The following CEP295 variants were observed in gnomAD, a reference collection of about 807,000 sequenced individuals.
The protein encoded by CEP295 is centrosomal protein of 295 kDa.
Under a neutral mutation model 291.6 loss-of-function variants are expected in CEP295, and 190 were observed. The ratio of observed to expected loss-of-function variants is 0.65; its 90% CI spans 0.58 to 0.73. CEP295 has a LOEUF of 0.73. Among genes scored for constraint, CEP295 ranks in the 30% least tolerant of loss-of-function variants. The pLI, the probability that CEP295 is intolerant of heterozygous loss-of-function variation, is 0.00. For synonymous variants in CEP295, 993 were observed against 1,038.8 expected, an observed-to-expected ratio of 0.96 and a Z score of 0.85; for missense variants, 2,863 against 2,949.4, an observed-to-expected ratio of 0.97 and a Z score of 0.68.
Position 93,698,940 on chromosome 11 carries a change from T to C in CEP295, c.4028T>C (p.Leu1343Pro), listed in dbSNP as rs143814907. The change falls in exon 15 of 30, where the codon CTT (leucine) becomes CCT (proline). Residue 1343 changes from leucine to proline, a missense_variant. Coordinates refer to ENST00000325212, the MANE Select transcript of CEP295 (RefSeq NM_033395.2). ...GATAGGCTTTTGAGGATATCGCAAC[T>C]TATCCAGCCTCAACAAGATAATTTG... is the stretch of plus-strand genomic sequence containing the variant. Reference protein sequence around the residue: ...LQDRLLRISQLIQPQQDNLKA... With the variant: ...LQDRLLRISQPIQPQQDNLKA... 3 of 1,551,488 alleles carry C rather than the reference T, an allele frequency of 1.9e-6. No homozygotes were observed. The highest frequency in any genetic ancestry group is 1.4e-5 in the African/African-American group (1 of 73,144).
chr11:93,709,343 A>G (rs1952738968), intron 18 of CEP295, among the ~76,000 whole-genome samples: 1 of 152,166 alleles, frequency 6.6e-6, no homozygotes, highest in African/African-American at 2.4e-5. Context: ...GATAGGGTCT[A>G]GTTTTATTCT....
chr11:93,675,955 A>C (rs1379887668), intron 6 of CEP295, among the ~76,000 whole-genome samples: 1 of 152,050 alleles, frequency 6.6e-6, no homozygotes, highest in Non-Finnish European at 1.5e-5. Flanking sequence ...TTGGAACTGT[A>C]CATATAAGTG....
intron 22 of CEP295, among the ~76,000 whole-genome samples, chr11:93,724,854 C>T (rs1475085401): frequency 6.6e-6 from 1 of 152,106 alleles, no homozygotes; most frequent in East Asian, 1.9e-4. Context: ...CCAGACTACA[C>T]CCTAGACCAA....
intron 6 of CEP295, among the ~76,000 whole-genome samples, chr11:93,677,507 A>G (rs1241880076): frequency 2.0e-5 from 3 of 152,116 alleles, no homozygotes; most frequent in East Asian, 1.9e-4. Context: ...AATTCTCTAC[A>G]TTTTGTTTTG....
intron 20 of CEP295, 107 bp downstream of exon 20, chr11:93,722,157 C>G (rs769720106): frequency 1.4e-6 from 1 of 692,242 alleles, no homozygotes. Context: ...CCATGGGGAA[C>G]TATTTCTCTA....
chr11:93,675,652 A>T lies in CEP295; in HGVS notation c.610A>T (p.Thr204Ser). 6.8e-7 allele frequency: 1 copy of T among 1,480,612 alleles called. No individual in the cohort carries two copies. Among genetic ancestry groups the T allele is most frequent in the Non-Finnish European group, 9.1e-7 (1 of 1,104,202 alleles). 91.7% of individuals were successfully genotyped at this position (1,480,612 alleles called of 1,614,324 possible). A position where few individuals can be genotyped will look rare whatever the true frequency, so the allele number is the denominator to read the frequency against. The change falls in exon 6 of 30, where the codon ACA becomes TCA. Residue 204 changes from threonine to serine, a missense_variant. This residue lies in a region of CEP295 where 554 missense variants were observed against 576.0 expected (regional missense o/e 0.96). Transcript: ENST00000325212. ...HHLHTFVNRE[T>S]DTKRPDARLA... ...TCTTCACACTTTTGTGAATAGAGAG[A>T]CAGACACAAAACGGGTGATTGACTT...
At chr11:93,690,172 G>C (rs1281272685) in intron 10 of CEP295, among the ~76,000 whole-genome samples, 1 of 152,232 alleles carries the variant, frequency 6.6e-6, no homozygotes, top group African/African-American at 2.4e-5. Flanking sequence ...AGCACTTTGG[G>C]AGGCCCAGGC....
chr11:93,723,211 G>GC lies in CEP295; in HGVS notation c.6118_6119insC (p.Gly2040AlafsTer14). ...GCCTGCAGTGGATGAAACTACATGTGGTCACACACACTTTCAGCAAATGAT... is the reference window on the plus strand; with the variant it reads ...GCCTGCAGTGGATGAAACTACATGTGCGTCACACACACTTTCAGCAAATGAT... On this transcript the variant is annotated frameshift_variant, in exon 21 of 30. Coordinates refer to ENST00000325212, the MANE Select transcript of CEP295 (RefSeq NM_033395.2). LOFTEE classifies it high-confidence loss of function. 6.4e-7 allele frequency: 1 copy of GC among 1,551,320 alleles called. No homozygotes were observed. Among genetic ancestry groups the GC allele is most frequent in the Non-Finnish European group, 8.7e-7 (1 of 1,146,650 alleles).
At chr11:93,665,577 G>T (rs961160476) in intron 1 of CEP295, among the ~76,000 whole-genome samples, 1 of 152,076 alleles carries the variant, frequency 6.6e-6, no homozygotes, top group Non-Finnish European at 1.5e-5. Context: ...GTGTGATGGC[G>T]CATGCCTGTA....
chr11:93,666,869 T>G (rs886845886), intron 2 of CEP295, 54 bp downstream of exon 2: 1 of 1,013,064 alleles, frequency 9.9e-7, no homozygotes, highest in African/African-American at 1.6e-5. Context: ...AAATTACTTG[T>G]ATTCTTTTAC....
At chr11:93,669,607 T>G in intron 4 of CEP295, 70 bp from the exon 5 acceptor site, 4 of 1,009,616 alleles carry the variant, frequency 4.0e-6, no homozygotes, top group Non-Finnish European at 6.0e-6. Flanking sequence ...ATGACTTACA[T>G]ATTTTTAACC....
chr11:93,702,756 C>T lies in CEP295; in HGVS notation c.5453-20C>T, dbSNP rs899181635. ...TTAATAGATTTTGTATTGTATCCAA[C>T]TTTGTCATTGACTTAATAGGTGAGC... On this transcript the variant is annotated intron_variant, in intron 16 of 29. Coordinates refer to ENST00000325212, the MANE Select transcript of CEP295 (RefSeq NM_033395.2). 1.4e-5 allele frequency: 22 copies of T among 1,550,180 alleles called. No homozygotes were observed. The African/African-American group carries it at 2.2e-4, about 15-fold the overall frequency.
At chr11:93,688,317 A>G (rs769050724) in intron 10 of CEP295, among the ~76,000 whole-genome samples, 3 of 152,200 alleles carry the variant, frequency 2.0e-5, no homozygotes, top group South Asian at 2.1e-4. Context: ...TGCTAATTTT[A>G]AATACTTTTC....
Position 93,697,216 on chromosome 11 carries a change from G to T in CEP295, c.2304G>T (p.Leu768Phe). 1 of 1,551,762 alleles carries T rather than the reference G, an allele frequency of 6.4e-7. No homozygotes were observed. The highest frequency in any genetic ancestry group is 1.7e-4 in the Middle Eastern group (1 of 5,992). Reference sequence around the variant, plus strand: ...TTCAAAGTTTAGAATCCCAACAATTGTTCTCAGAGAATAGTGAAAATATAT... The same window carrying T: ...TTCAAAGTTTAGAATCCCAACAATTTTTCTCAGAGAATAGTGAAAATATAT... ...TTFQSLESQQ[L>F]FSENSENISY... The change falls in exon 15 of 30, where the codon TTG (leucine) becomes TTT (phenylalanine). Residue 768 changes from leucine to phenylalanine, a missense_variant. By Grantham distance (22) the Leu-to-Phe change is conservative (BLOSUM62 0). This residue lies in a region of CEP295 where 2,295 missense variants were observed against 2,335.7 expected (regional missense o/e 0.98). Transcript: ENST00000325212.
Position 93,696,429 on chromosome 11 carries a change from G to A in CEP295, c.1769+12G>A. 6.8e-7 allele frequency: 1 copy of A among 1,460,684 alleles called. No individual in the cohort carries two copies. Among genetic ancestry groups the A allele is most frequent in the Non-Finnish European group, 9.4e-7 (1 of 1,065,744 alleles). The allele number at this position is 1,460,684 out of a possible 1,614,324, so 90.5% of individuals were successfully genotyped here. A position where few individuals can be genotyped will look rare whatever the true frequency, so the allele number is the denominator to read the frequency against. On this transcript the variant is annotated intron_variant, in intron 14 of 29. Coordinates refer to ENST00000325212, the MANE Select transcript of CEP295 (RefSeq NM_033395.2). ...TTACAACAAAACAGGTATTAGCTAG[G>A]GTATAATTTATATGTGATCGTATGT... is the stretch of plus-strand genomic sequence containing the variant.
chr11:93,674,051 C>T (rs11020477), intron 5 of CEP295, among the ~76,000 whole-genome samples: 137,469 of 151,758 alleles, frequency 0.91, 63,326 homozygotes, highest in Non-Finnish European at 0.99. Flanking sequence ...CAACCTCCGA[C>T]CCCTAGGTTC....
In CEP295 at chr11:93,696,369, A is replaced by G. The variant is rs1328798893; in HGVS notation, c.1721A>G (p.His574Arg). The stretch of plus-strand genomic sequence containing the variant: ...CCTGTAATTTCTGATGAAGATAGTC[A>G]TAGGCAGATGATTCGTAACTATCAA... ...SCPVISDEDS[H>R]RQMIRNYQHQ... The change falls in exon 14 of 30, where the codon CAT (histidine) becomes CGT (arginine). Residue 574 changes from histidine (H) to arginine (R), a missense_variant. Physicochemically the swap from His to Arg is conservative, Grantham distance 29 (BLOSUM62 0). Around this residue, in one of 3 missense-constraint regions of CEP295, gnomAD observed 2,295 missense variants for 2,335.7 expected, o/e 0.98. Transcript: ENST00000325212. 23 of 1,550,840 alleles carry G rather than the reference A, an allele frequency of 1.5e-5. No homozygotes were observed. Among genetic ancestry groups the G allele is most frequent in the Non-Finnish European group, 1.9e-5 (22 of 1,146,468 alleles).
At position 93,727,113 on chromosome 11, in the gene CEP295, G is replaced by A. The variant is rs868070688; in HGVS notation, c.6637G>A (p.Glu2213Lys). 1.3e-6 allele frequency: 2 copies of A among 1,551,274 alleles called. No homozygotes were observed. Among genetic ancestry groups the A allele is most frequent in the African/African-American group, 2.7e-5 (2 of 73,000 alleles). Reference protein sequence around the residue: ...QGMKNQNYPSEEHTEILQNKK... With the variant: ...QGMKNQNYPSKEHTEILQNKK... ...CATGAAAAATCAGAACTATCCCTCT[G>A]AAGAACATACTGAAATATTACAAAA... Residue 2213 changes from glutamate (E) to lysine (K), a missense_variant, in exon 24 of 30, where the codon GAA becomes AAA. Physicochemically the swap from Glu to Lys is moderately conservative, Grantham distance 56. Coordinates refer to ENST00000325212, the MANE Select transcript of CEP295 (RefSeq NM_033395.2).
At chr11:93,679,085 C>T (rs781270486) in intron 6 of CEP295, among the ~76,000 whole-genome samples, 7 of 152,080 alleles carry the variant, frequency 4.6e-5, no homozygotes, top group Non-Finnish European at 8.8e-5. Context: ...TCAGGTGATC[C>T]ACCCACCTCG....
Sources: allele counts gnomAD v4.1 joint callset (sites outside exome capture counted in the v4.1 genomes callset), GRCh38; gene constraint gnomAD v4.1.1; regional missense constraint gnomAD v4.1.1; transcripts MANE v1.5; gene names NCBI Gene and HGNC (gene_info 2026-07-23, HGNC 2026-07-21).